WWOX: variants seen among roughly 807,000 people sequenced by gnomAD.
WWOX encodes WW domain containing oxidoreductase.
In WWOX, 69 loss-of-function variants were observed where a neutral mutation model predicts 46.2. The observed-to-expected ratio is 1.49, with a 90% CI of 1.23 to 1.82. WWOX has a LOEUF of 1.82. Among genes scored for constraint, WWOX ranks in the 40% most tolerant of loss-of-function variants. WWOX has a pLI of 0.00. For synonymous variants in WWOX, 359 were observed against 202.6 expected, an observed-to-expected ratio of 1.77 and a Z score of -6.56; for missense variants, 919 against 542.6, an observed-to-expected ratio of 1.69 and a Z score of -6.89.
chr16:78,176,454 G>T (rs12600238), intron 5 of WWOX, among the ~76,000 whole-genome samples: 5 of 152,046 alleles, frequency 3.3e-5, no homozygotes, highest in African/African-American at 9.7e-5. Flanking sequence ...CTTTTAAATG[G>T]CAGGGGAACC....
intron 8 of WWOX, among the ~76,000 whole-genome samples, chr16:78,441,991 G>A (rs999044114): frequency 7.1e-6 from 1 of 141,770 alleles, no homozygotes; most frequent in Admixed American, 7.1e-5. Flanking sequence ...TGTGTGTGTG[G>A]CTGGGCATGG....
chr16:78,475,224 T>C (rs550350166), intron 8 of WWOX, among the ~76,000 whole-genome samples: 11 of 152,338 alleles, frequency 7.2e-5, no homozygotes, highest in Admixed American at 3.9e-4. Flanking sequence ...ATCATTGATT[T>C]CTCTGATGCT....
intron 5 of WWOX, among the ~76,000 whole-genome samples, chr16:78,355,044 A>G (rs1163155042): frequency 6.6e-6 from 1 of 152,012 alleles, no homozygotes; most frequent in Non-Finnish European, 1.5e-5. Context: ...AGGCAGGCGA[A>G]CTGCTTGAAC....
In WWOX at chr16:78,413,391, A is replaced by T. The variant is rs184992584; in HGVS notation, c.606-11479A>T. Reference sequence around the variant, plus strand: ...AAAGGAGTCAGCAAAGGGTGATGGGATTGTCATTAGTTCTTAGAGGTTTTG... The same window carrying T: ...AAAGGAGTCAGCAAAGGGTGATGGGTTTGTCATTAGTTCTTAGAGGTTTTG... On this transcript the variant is annotated intron_variant, in intron 6 of 8. Transcript: ENST00000566780. Among the ~76,000 whole-genome samples, 1,187 of 152,138 alleles carry T rather than the reference A, an allele frequency of 7.8e-3. 11 individuals are homozygous for T. The highest frequency in any genetic ancestry group is 0.015 in the South Asian group (74 of 4,814).
At chr16:78,651,206 T>C (rs1278842526) in intron 8 of WWOX, among the ~76,000 whole-genome samples, 1 of 152,244 alleles carries the variant, frequency 6.6e-6, no homozygotes, top group African/African-American at 2.4e-5. Flanking sequence ...CATCTTTACT[T>C]AATCTGCCCT....
Position 79,212,017 on chromosome 16 carries a change from T to A in WWOX, c.*221T>A. 6.5e-7 allele frequency: 1 copy of A among 1,536,266 alleles called. No homozygotes were observed. Among genetic ancestry groups the A allele is most frequent in the Non-Finnish European group, 8.7e-7 (1 of 1,146,920 alleles). ...TCTGGGGCTGGGCTAGGCATAGGTC[T>A]CTTTGCTTTCTGGTGGTGGCCTGTT... On this transcript the variant is annotated 3_prime_UTR_variant, in exon 9 of 9. Transcript: ENST00000566780.
chr16:79,033,575 C>T (rs898339476), intron 8 of WWOX, among the ~76,000 whole-genome samples: 11 of 152,070 alleles, frequency 7.2e-5, no homozygotes, highest in Admixed American at 2.0e-4. Flanking sequence ...TTATCAACAT[C>T]ATGTTAACTA....
At chr16:78,937,564 C>G (rs1184340540) in intron 8 of WWOX, among the ~76,000 whole-genome samples, 1 of 144,316 alleles carries the variant, frequency 6.9e-6, no homozygotes. Context: ...CAAAGTGCTG[C>G]GATTACAGGC....
intron 8 of WWOX, among the ~76,000 whole-genome samples, chr16:78,794,483 C>G (rs1021418928): frequency 6.6e-6 from 1 of 151,858 alleles, no homozygotes; most frequent in Non-Finnish European, 1.5e-5. Context: ...ATCTATGTGT[C>G]CTTAGGCAAA....
intron 8 of WWOX, among the ~76,000 whole-genome samples, chr16:78,725,464 C>T (rs2048807335): frequency 6.7e-6 from 1 of 149,422 alleles, no homozygotes; most frequent in Non-Finnish European, 1.5e-5. Flanking sequence ...TCTCCTGCCT[C>T]AGCCTCCCAG....
intron 8 of WWOX, among the ~76,000 whole-genome samples, chr16:79,069,013 T>C (rs967886548): frequency 5.3e-5 from 8 of 152,034 alleles, no homozygotes; most frequent in African/African-American, 1.7e-4. Context: ...ACCTGAGAAG[T>C]AGTTATGTCT....
chr16:79,025,183 T>C (rs1288022505), intron 8 of WWOX, among the ~76,000 whole-genome samples: 1 of 152,158 alleles, frequency 6.6e-6, no homozygotes, highest in East Asian at 1.9e-4. Flanking sequence ...TGTGTCGGAC[T>C]TGTTTCAGAA....
chr16:78,127,301 G>C (rs1012207288), intron 4 of WWOX, among the ~76,000 whole-genome samples: 4 of 152,082 alleles, frequency 2.6e-5, no homozygotes, highest in African/African-American at 9.7e-5. Context: ...TGGGAGGCAA[G>C]AGGATCGAGT....
At chr16:78,396,923 G>C (rs1266557030) in intron 6 of WWOX, among the ~76,000 whole-genome samples, 1 of 152,214 alleles carries the variant, frequency 6.6e-6, no homozygotes, top group Non-Finnish European at 1.5e-5. Flanking sequence ...TGGCCTGGCA[G>C]CTGTGGTTTA....
At chr16:78,384,655 C>T (rs986965882) in intron 5 of WWOX, among the ~76,000 whole-genome samples, 9 of 152,238 alleles carry the variant, frequency 5.9e-5, no homozygotes, top group Admixed American at 3.9e-4. Flanking sequence ...CACGTGTGGG[C>T]GTTTTCCCCT....
chr16:78,353,440 T>G lies in WWOX; in HGVS notation c.517-33420T>G, dbSNP rs540716601. ...AAGACAGTTCACCAAATCTATCGAT[T>G]AATAGAAATCATCCAGCAGCAGTGC... On this transcript the variant is annotated intron_variant, in intron 5 of 8. Coordinates refer to ENST00000566780, the MANE Select transcript of WWOX (RefSeq NM_016373.4). Among the ~76,000 whole-genome samples, 4 of 152,172 alleles carry G rather than the reference T, an allele frequency of 2.6e-5. 1 individual carries two copies. Among genetic ancestry groups the G allele is most frequent in the Non-Finnish European group, 1.5e-5 (1 of 68,040 alleles).
intron 5 of WWOX, among the ~76,000 whole-genome samples, chr16:78,325,669 C>G (rs1444503357): frequency 2.6e-5 from 4 of 152,212 alleles, no homozygotes; most frequent in African/African-American, 4.8e-5. Context: ...TAATTTATTT[C>G]TCCTTCTTGG....
chr16:78,933,187 C>T (rs773649816), intron 8 of WWOX, among the ~76,000 whole-genome samples: 1 of 152,308 alleles, frequency 6.6e-6, no homozygotes, highest in East Asian at 1.9e-4. Flanking sequence ...GCCTGTAATC[C>T]CAGCACTTTG....
intron 8 of WWOX, among the ~76,000 whole-genome samples, chr16:79,070,715 C>G (rs962811849): frequency 3.3e-5 from 5 of 152,154 alleles, no homozygotes; most frequent in African/African-American, 1.2e-4. Context: ...GTCAGTGGTG[C>G]AAGCTTCAAG....
Sources: allele counts gnomAD v4.1 joint callset (sites outside exome capture counted in the v4.1 genomes callset), GRCh38; gene constraint gnomAD v4.1.1; transcripts MANE v1.5; gene names NCBI Gene and HGNC (gene_info 2026-07-23, HGNC 2026-07-21).